Variants in DGAT1 observed in about 807,000 individuals in gnomAD.
The protein encoded by DGAT1 is ACAT related gene product 1.
In DGAT1, 60 loss-of-function variants were observed where a neutral mutation model predicts 72.6. That is an observed-to-expected ratio of 0.83 (90% CI 0.67 to 1.02). DGAT1 has a LOEUF of 1.02. Among genes scored for constraint, DGAT1 ranks in the 50% least tolerant of loss-of-function variants. The probability of loss-of-function intolerance (pLI) is 0.00; values close to 1 mark genes in which losing one functional copy is unlikely to be tolerated. For synonymous variants in DGAT1, 290 were observed against 267.5 expected, an observed-to-expected ratio of 1.08 and a Z score of -0.82; for missense variants, 592 against 670.0, an observed-to-expected ratio of 0.88 and a Z score of 1.29.
chr8:144,318,813 C>A (rs782564861), intron 4 of DGAT1, 22 bp downstream of exon 4: 8 of 1,609,506 alleles, frequency 5.0e-6, no homozygotes, highest in Non-Finnish European at 6.8e-6. Flanking sequence ...CCACCCGAGG[C>A]CCTCCTCAGA....
intron 7 of DGAT1, 37 bp from the exon 8 acceptor site, chr8:144,318,206 C>T: frequency 1.2e-6 from 2 of 1,609,486 alleles, no homozygotes; most frequent in South Asian, 1.1e-5. Flanking sequence ...GCTGGTGGGG[C>T]CCTGCTGCTG....
chr8:144,315,792 T>G lies in DGAT1; in HGVS notation c.*762A>C. The G allele has an allele frequency of 2.1e-6, 2 of 970,110 alleles. No individual in the cohort carries two copies. Among genetic ancestry groups the G allele is most frequent in the Non-Finnish European group, 2.5e-6 (2 of 815,954 alleles). The allele number at this position is 970,110 out of a possible 1,614,324, so 60.1% of individuals were successfully genotyped here. ...CACCAGCCCACCTGGCTGCCCAGGT[T>G]CCAAGTGAAGGAAAGAGGCTGCCAA... On this transcript the variant is annotated 3_prime_UTR_variant, in exon 17 of 17. Transcript: ENST00000528718.
intron 1 of DGAT1, 101 bp downstream of exon 1, chr8:144,326,335 GC>G: frequency 8.9e-7 from 1 of 1,117,842 alleles, no homozygotes; most frequent in Non-Finnish European, 1.2e-6. Flanking sequence ...TCCCCGCTTA[GC>G]CCAGGGCCCA....
chr8:144,324,101 T>C (rs1424630281), intron 1 of DGAT1, among the ~76,000 whole-genome samples: 2 of 152,214 alleles, frequency 1.3e-5, no homozygotes, highest in Non-Finnish European at 2.9e-5. Context: ...GCAAAGAGCC[T>C]GGCAGGAGTG....
Position 144,318,904 on chromosome 8 carries a change from C to T in DGAT1, c.346G>A (p.Asp116Asn). The change falls in exon 4 of 17, where the codon GAC becomes AAC. Residue 116 changes from aspartate (D) to asparagine (N), a missense_variant. Transcript: ENST00000528718. ...ENLIKYGILV[D>N]PIQVVSLFLK... ...AACAGAGAAACCACCTGGATGGGGT[C>T]CACCAGGATGCCATACCTGGGGGTG... 1 of 1,611,158 alleles carries T rather than the reference C, an allele frequency of 6.2e-7. No individual in the cohort carries two copies. The highest frequency in any genetic ancestry group is 8.5e-7 in the Non-Finnish European group (1 of 1,178,888).
At chr8:144,318,216 G>A in intron 7 of DGAT1, 45 bp downstream of exon 7, 2 of 1,609,394 alleles carry the variant, frequency 1.2e-6, no homozygotes, top group Non-Finnish European at 1.7e-6. Flanking sequence ...CCCTGCTGCT[G>A]CCCAGCCCCC....
In DGAT1 at chr8:144,316,521, G is replaced by A; in HGVS notation, c.*33C>T. On this transcript the variant is annotated 3_prime_UTR_variant, in exon 17 of 17. Transcript: ENST00000528718. ...GGTGGGCTCTGGCAGCGGGTGTGAG[G>A]TGGCAGTGAGAAGCCAGGCCCTCAG... 2 of 1,554,576 alleles carry A rather than the reference G, an allele frequency of 1.3e-6. No individual in the cohort carries two copies. The highest frequency in any genetic ancestry group is 1.7e-6 in the Non-Finnish European group (2 of 1,148,058).
intron 16 of DGAT1, 34 bp downstream of exon 16, chr8:144,316,817 CTG>C (rs1817242742): frequency 6.2e-7 from 1 of 1,601,552 alleles, no homozygotes; most frequent in African/African-American, 1.3e-5. Flanking sequence ...TGCGGGGTAA[CTG>C]GGCGAGTGAG....
intron 1 of DGAT1, among the ~76,000 whole-genome samples, chr8:144,324,724 G>A (rs532575215): frequency 3.3e-5 from 5 of 152,096 alleles, no homozygotes; most frequent in South Asian, 2.1e-4. Context: ...CTACCCCCAG[G>A]TGGCGGCTTG....
intron 2 of DGAT1, among the ~76,000 whole-genome samples, chr8:144,321,094 G>C (rs544984706): frequency 6.6e-6 from 1 of 152,226 alleles, no homozygotes; most frequent in East Asian, 1.9e-4. Flanking sequence ...CAAGTATGTG[G>C]TGCATGGGCA....
In DGAT1 at chr8:144,318,872, C is replaced by T; in HGVS notation, c.378G>A (p.Lys126=). Residue 126 remains lysine (K), a synonymous_variant, in exon 4 of 17, where the codon AAG becomes AAA. Transcript: ENST00000528718. ...ATGGGGCGGGCCAGCTATAGGGATC[C>T]TTCAGGAACAGAGAAACCACCTGGA... ...DPIQVVSLFL[K]DPYSWPAPCL... The T allele has an allele frequency of 6.2e-7, 1 of 1,612,100 alleles. No individual in the cohort carries two copies. The highest frequency in any genetic ancestry group is 8.5e-7 in the Non-Finnish European group (1 of 1,179,128).
Position 144,318,093 on chromosome 8 carries a change from A to G in DGAT1, c.751+2T>C, listed in dbSNP as rs148665132. 162 of 1,527,846 alleles carry G rather than the reference A, an allele frequency of 1.1e-4. No homozygotes were observed. Among genetic ancestry groups the G allele is most frequent in the Admixed American group, 1.1e-4 (5 of 46,880 alleles). 94.6% of individuals were successfully genotyped at this position (1,527,846 alleles called of 1,614,324 possible). ...GCACCTCAGGCCCACAGAGGTCCTC[A>G]CCGCGGTAGGTCAGATTGTCCGGGT... On this transcript the variant is annotated splice_donor_variant, in intron 8 of 16. Coordinates refer to ENST00000528718, the MANE Select transcript of DGAT1 (RefSeq NM_012079.6). LOFTEE classifies it high-confidence loss of function.
Position 144,314,869 on chromosome 8 carries a change from C to T in DGAT1, c.*1685G>A. On this transcript the variant is annotated 3_prime_UTR_variant, in exon 17 of 17. Transcript: ENST00000528718. ...GCTAGCTCCGTGCCTGCCCGACTCC[C>T]CAGGACCAGCATGTGCTTGCAGTTC... 1.0e-6 allele frequency: 1 copy of T among 985,024 alleles called. No homozygotes were observed. The highest frequency in any genetic ancestry group is 1.2e-6 in the Non-Finnish European group (1 of 828,244). The allele number at this position is 985,024 out of a possible 1,614,324, so 61.0% of individuals were successfully genotyped here.
In DGAT1 at chr8:144,318,114, C is replaced by T. The variant is rs141487799; in HGVS notation, c.732G>A (p.Pro244=). ...CCTCACCGCGGTAGGTCAGATTGTCCGGGTAGCTCACGGTGTGCGGGGCAG... is the reference window on the plus strand; with the variant it reads ...CCTCACCGCGGTAGGTCAGATTGTCTGGGTAGCTCACGGTGTGCGGGGCAG... The part of the protein sequence containing the change: ...SAAAPHTVSY[P]DNLTYRDLYY... The change falls in exon 8 of 17, where the codon CCG becomes CCA. Residue 244 remains proline, a synonymous_variant. Coordinates refer to ENST00000528718, the MANE Select transcript of DGAT1 (RefSeq NM_012079.6). 24 of 1,539,270 alleles carry T rather than the reference C, an allele frequency of 1.6e-5. No individual in the cohort carries two copies. In the African/African-American group the frequency reaches 2.6e-4, roughly 17 times the overall value.
chr8:144,320,897 G>A (rs1451919056), intron 2 of DGAT1, among the ~76,000 whole-genome samples: 1 of 152,136 alleles, frequency 6.6e-6, no homozygotes, highest in Non-Finnish European at 1.5e-5. Context: ...GAGAGGCCTT[G>A]TGTCCACAGA....
intron 1 of DGAT1, among the ~76,000 whole-genome samples, chr8:144,321,629 C>T (rs1470915088): frequency 2.0e-5 from 3 of 152,208 alleles, no homozygotes; most frequent in Non-Finnish European, 4.4e-5. Flanking sequence ...GGCAGCGGGA[C>T]GAGCATGTCA....
Position 144,318,248 on chromosome 8 carries a change from G to A in DGAT1, c.676+13C>T. 2 of 1,612,230 alleles carry A rather than the reference G, an allele frequency of 1.2e-6. No homozygotes were observed. The highest frequency in any genetic ancestry group is 2.2e-5 in the South Asian group (2 of 91,058). On this transcript the variant is annotated intron_variant, in intron 7 of 16. Coordinates refer to ENST00000528718, the MANE Select transcript of DGAT1 (RefSeq NM_012079.6). ...CCCCCAGCAGGCAGCCCCAGCCCCT[G>A]GCAGCCCCTCACCAGCCTTGGCCCT...
intron 10 of DGAT1, 25 bp downstream of exon 10, chr8:144,317,759 C>A (rs1817295187): frequency 1.2e-6 from 2 of 1,613,262 alleles, no homozygotes; most frequent in Non-Finnish European, 1.7e-6. Flanking sequence ...CCCAGCTACA[C>A]CCAACCCTGC....
At chr8:144,325,847 CCTAACCA>C (rs1817581553) in intron 1 of DGAT1, among the ~76,000 whole-genome samples, 1 of 152,208 alleles carries the variant, frequency 6.6e-6, no homozygotes, top group African/African-American at 2.4e-5. Context: ...TCCAGGCCAG[CCTAACCA>C]CTGGAGCAAT....
Sources: gnomAD v4.1 joint callset for allele counts (sites outside exome capture counted in the v4.1 genomes callset) on GRCh38, gnomAD v4.1.1 for gene constraint, MANE v1.5 for transcripts, NCBI Gene and HGNC (gene_info 2026-07-23, HGNC 2026-07-21) for gene names.